PPM1B: variants seen among roughly 807,000 people sequenced by gnomAD.
PPM1B encodes protein phosphatase, Mg2+/Mn2+ dependent 1B, also known as protein phosphatase 1B.
In PPM1B, 22 loss-of-function variants were observed where a neutral mutation model predicts 43.0. That is an observed-to-expected ratio of 0.51 (90% CI 0.37 to 0.73). PPM1B has a LOEUF of 0.73. PPM1B is among the 30% of genes least tolerant of loss of function. The pLI is 0.00. For missense variants in PPM1B, 632 were observed against 584.2 expected (o/e 1.08, Z -0.84); for synonymous variants, 217 against 197.9 (o/e 1.10, Z -0.81).
chr2:44,208,896 G>C (rs1669318951), intron 2 of PPM1B, among the ~76,000 whole-genome samples: 1 of 152,314 alleles, frequency 6.6e-6, no homozygotes, highest in Admixed American at 6.5e-5. Context: ...TTTGGGAATA[G>C]ACAATCTTGA....
chr2:44,177,747 G>A (rs1667652203), intron 1 of PPM1B, among the ~76,000 whole-genome samples: 1 of 151,210 alleles, frequency 6.6e-6, no homozygotes, highest in Admixed American at 6.6e-5. Flanking sequence ...ATAGCATATA[G>A]TACTGTTTTA....
At chr2:44,172,057 A>G (rs930228274) in intron 1 of PPM1B, among the ~76,000 whole-genome samples, 1 of 152,182 alleles carries the variant, frequency 6.6e-6, no homozygotes, top group African/African-American at 2.4e-5. Context: ...TGGCATCAGA[A>G]TAATAAAAGT....
chr2:44,208,381 C>T (rs1669293052), intron 2 of PPM1B, among the ~76,000 whole-genome samples: 1 of 152,110 alleles, frequency 6.6e-6, no homozygotes. Context: ...CAGTTACAGT[C>T]CCCCCTGTTA....
chr2:44,237,606 G>A (rs929082666), downstream of PPM1B, among the ~76,000 whole-genome samples: 1 of 152,186 alleles, frequency 6.6e-6, no homozygotes, highest in Non-Finnish European at 1.5e-5. Context: ...TTATGGAAAG[G>A]TAGAATGAAA....
chr2:44,172,534 TTGG>T (rs1485037148), intron 1 of PPM1B, among the ~76,000 whole-genome samples: 5 of 152,182 alleles, frequency 3.3e-5, no homozygotes, highest in South Asian at 2.1e-4. Context: ...TTTGTTTTTG[TTGG>T]TGTTTACTTA....
chr2:44,236,276 G>T (rs890272647), downstream of PPM1B, among the ~76,000 whole-genome samples: 1 of 151,666 alleles, frequency 6.6e-6, no homozygotes, highest in South Asian at 2.1e-4. Context: ...GGTGCTGCGT[G>T]CCTGTAGTCC....
At chr2:44,188,900 G>A (rs1236142512) in intron 1 of PPM1B, among the ~76,000 whole-genome samples, 3 of 151,542 alleles carry the variant, frequency 2.0e-5, no homozygotes, top group Non-Finnish European at 4.4e-5. Context: ...GAGAGGGGAG[G>A]TGCCAATTTG....
chr2:44,228,733 C>T lies in PPM1B; in HGVS notation c.1135-1680C>T, dbSNP rs572736088. 3.9e-5 allele frequency among the ~76,000 whole-genome samples: 6 copies of T among 152,264 alleles called. 1 individual carries two copies. Among genetic ancestry groups the T allele is most frequent in the African/African-American group, 1.4e-4 (6 of 41,540 alleles). On this transcript the variant is annotated intron_variant, in intron 5 of 5. Transcript: ENST00000282412. Reference sequence around the variant, plus strand: ...ATGTTGGAACAGCTGTATATTGTCTCTCTAGATTCAACAACTGTTAACATT... The same window carrying T: ...ATGTTGGAACAGCTGTATATTGTCTTTCTAGATTCAACAACTGTTAACATT...
At chr2:44,175,044 C>T (rs1667516476) in intron 1 of PPM1B, among the ~76,000 whole-genome samples, 3 of 152,100 alleles carry the variant, frequency 2.0e-5, no homozygotes, top group Admixed American at 6.5e-5. Flanking sequence ...TGTCTGAGCT[C>T]AGGAGTTCGA....
intron 1 of PPM1B, among the ~76,000 whole-genome samples, chr2:44,198,707 C>T (rs141255555): frequency 2.0e-4 from 31 of 152,224 alleles, no homozygotes; most frequent in African/African-American, 7.0e-4. Context: ...TTAACTCTCT[C>T]AGATTACTTC....
intron 1 of PPM1B, among the ~76,000 whole-genome samples, chr2:44,192,564 T>C (rs1417838382): frequency 6.6e-6 from 1 of 152,214 alleles, no homozygotes; most frequent in African/African-American, 2.4e-5. Context: ...ATTATAATCT[T>C]ACATATGTAT....
chr2:44,228,209 A>ATTT (rs1670309651), intron 5 of PPM1B, among the ~76,000 whole-genome samples: 1 of 126,522 alleles, frequency 7.9e-6, no homozygotes, highest in African/African-American at 3.2e-5. Context: ...TTTTTTTTTA[A>ATTT]GAGGGTCTCA....
chr2:44,182,680 GT>G (rs1558391906), intron 1 of PPM1B, among the ~76,000 whole-genome samples: 5 of 151,978 alleles, frequency 3.3e-5, no homozygotes. Flanking sequence ...TAGGTTACAG[GT>G]TTCCTCTGTT....
intron 1 of PPM1B, among the ~76,000 whole-genome samples, chr2:44,179,725 CTGG>C (rs2104014635): frequency 6.6e-6 from 1 of 152,086 alleles, no homozygotes; most frequent in African/African-American, 2.4e-5. Flanking sequence ...AGACTTTAAC[CTGG>C]CCGGGCATGG....
At chr2:44,188,635 A>G (rs1668243823) in intron 1 of PPM1B, among the ~76,000 whole-genome samples, 1 of 151,450 alleles carries the variant, frequency 6.6e-6, no homozygotes. Context: ...GCCTCAAGTG[A>G]TCCTCCTGCC....
At position 44,218,046 on chromosome 2, in the gene PPM1B, A is replaced by C. The variant is rs147396943; in HGVS notation, c.1044A>C (p.Pro348=). 71 of 1,613,080 alleles carry C rather than the reference A, an allele frequency of 4.4e-5. No individual in the cohort carries two copies. The African/African-American group carries it at 7.3e-4, about 17-fold the overall frequency. Residue 348 remains proline, a synonymous_variant, in exon 4 of 6, where the codon CCA becomes CCC. Coordinates refer to ENST00000282412, the MANE Select transcript of PPM1B (RefSeq NM_002706.6). The part of the protein sequence containing the change: ...VMRILSAENI[P]NLPPGGGLAG... Reference sequence around the variant, plus strand: ...GCATCTTGTCTGCAGAAAATATCCCAAATTTGCCTCCTGGGGGAGGTCTTG... The same window carrying C: ...GCATCTTGTCTGCAGAAAATATCCCCAATTTGCCTCCTGGGGGAGGTCTTG...
At chr2:44,169,964 A>G (rs1667247088) in intron 1 of PPM1B, among the ~76,000 whole-genome samples, 1 of 152,228 alleles carries the variant, frequency 6.6e-6, no homozygotes, top group Admixed American at 6.5e-5. Flanking sequence ...CTGACTAGCC[A>G]TATGTGGTAA....
At chr2:44,210,530 A>G (rs1669411152) in intron 3 of PPM1B, among the ~76,000 whole-genome samples, 1 of 152,134 alleles carries the variant, frequency 6.6e-6, no homozygotes, top group Non-Finnish European at 1.5e-5. Flanking sequence ...TAATAATTTT[A>G]AACATACAGA....
chr2:44,180,195 A>G (rs1667803276), intron 1 of PPM1B, among the ~76,000 whole-genome samples: 1 of 152,134 alleles, frequency 6.6e-6, no homozygotes, highest in Non-Finnish European at 1.5e-5. Context: ...TTTCCTTCAT[A>G]TATTTCTCCC....
Sources: allele counts gnomAD v4.1 joint callset (sites outside exome capture counted in the v4.1 genomes callset), GRCh38; gene constraint gnomAD v4.1.1; transcripts MANE v1.5; gene names NCBI Gene and HGNC (gene_info 2026-07-23, HGNC 2026-07-21).